UNC5D: variants seen among roughly 807,000 people sequenced by gnomAD.
UNC5D encodes unc-5 netrin receptor D.
Under a neutral mutation model 105.4 loss-of-function variants are expected in UNC5D, and 39 were observed. The ratio of observed to expected loss-of-function variants is 0.37; its 90% confidence interval spans 0.29 to 0.48. The LOEUF (loss-of-function observed/expected upper bound fraction) is 0.48. Among genes scored for constraint, UNC5D ranks in the 20% least tolerant of loss-of-function variants. The pLI, the probability that UNC5D is intolerant of heterozygous loss-of-function variation, is 0.98. For synonymous variants in UNC5D, 452 were observed against 450.4 expected, an observed-to-expected ratio of 1.00 and a Z score of -0.04; for missense variants, 991 against 1,202.4, an observed-to-expected ratio of 0.82 and a Z score of 2.60.
chr8:35,620,767 G>A (rs1821315930), intron 4 of UNC5D, among the ~76,000 whole-genome samples: 1 of 152,124 alleles, frequency 6.6e-6, no homozygotes, highest in Admixed American at 6.5e-5. Context: ...TCATCCCTGA[G>A]TTTCCTAGTT....
intron 1 of UNC5D, among the ~76,000 whole-genome samples, chr8:35,531,013 A>AT (rs1377026805): frequency 3.3e-5 from 5 of 150,872 alleles, no homozygotes; most frequent in African/African-American, 7.4e-5. Context: ...GGATTCATTG[A>AT]TTTTTTGAAG....
chr8:35,271,435 A>G (rs911775101), intron 1 of UNC5D, among the ~76,000 whole-genome samples: 8 of 140,762 alleles, frequency 5.7e-5, no homozygotes, highest in East Asian at 2.3e-4. Context: ...ATGTGTGTGT[A>G]TGTATATGTA....
intron 8 of UNC5D, among the ~76,000 whole-genome samples, chr8:35,718,486 C>A (rs1311661005): frequency 1.3e-5 from 2 of 152,156 alleles, no homozygotes; most frequent in Non-Finnish European, 2.9e-5. Context: ...TTTCTCTTCT[C>A]ACAGTTGGAG....
At chr8:35,724,651 G>A (rs1451586182) in intron 9 of UNC5D, among the ~76,000 whole-genome samples, 1 of 152,166 alleles carries the variant, frequency 6.6e-6, no homozygotes. Flanking sequence ...TTGCTTCCTT[G>A]TGTCACTTAG....
At chr8:35,667,480 A>C (rs368066837) in intron 4 of UNC5D, among the ~76,000 whole-genome samples, 1 of 152,172 alleles carries the variant, frequency 6.6e-6, no homozygotes, top group African/African-American at 2.4e-5. Context: ...TTCTACTGAC[A>C]ACTAACTGGC....
At chr8:35,551,689 G>A (rs759114590) in intron 2 of UNC5D, among the ~76,000 whole-genome samples, 9 of 152,000 alleles carry the variant, frequency 5.9e-5, no homozygotes, top group Non-Finnish European at 1.2e-4. Flanking sequence ...TTGGTGACGG[G>A]TGCCTGTAGT....
Position 35,748,680 on chromosome 8 carries a change from G to A in UNC5D, c.1920G>A (p.Gln640=). 1 of 1,613,518 alleles carries A rather than the reference G, an allele frequency of 6.2e-7. No homozygotes were observed. Among genetic ancestry groups the A allele is most frequent in the Non-Finnish European group, 8.5e-7 (1 of 1,179,738 alleles). ...ATATCCATTTAAAGAAGAGGACACA[G>A]CAGGGCAAATGGGAGGTGAGACCCT... ...HWNIHLKKRT[Q]QGKWEEVMSV... The change falls in exon 12 of 17, where the codon CAG becomes CAA. Residue 640 remains glutamine, a synonymous_variant. Coordinates refer to ENST00000404895, the MANE Select transcript of UNC5D (RefSeq NM_080872.4).
intron 1 of UNC5D, among the ~76,000 whole-genome samples, chr8:35,266,619 G>T (rs1804890303): frequency 6.6e-6 from 1 of 152,200 alleles, no homozygotes; most frequent in Admixed American, 6.5e-5. Context: ...GATCCCACTG[G>T]TCAGGAATTC....
At chr8:35,271,338 T>C (rs7835752) in intron 1 of UNC5D, among the ~76,000 whole-genome samples, 46,785 of 79,092 alleles carry the variant, frequency 0.59, 14,722 homozygotes, top group East Asian at 0.82. Flanking sequence ...CACACGTGCA[T>C]GTGTGTATGT....
chr8:35,585,568 ATATT>A (rs1013877796), intron 3 of UNC5D, among the ~76,000 whole-genome samples: 2 of 151,906 alleles, frequency 1.3e-5, no homozygotes, highest in African/African-American at 4.8e-5. Flanking sequence ...ATGTACATAT[ATATT>A]CATTCTAGAA....
chr8:35,405,287 G>T (rs1164740474), intron 1 of UNC5D, among the ~76,000 whole-genome samples: 1 of 152,124 alleles, frequency 6.6e-6, no homozygotes, highest in East Asian at 1.9e-4. Flanking sequence ...ATAGAAATCA[G>T]GTGGTGTGTA....
intron 4 of UNC5D, among the ~76,000 whole-genome samples, chr8:35,606,342 A>G: frequency 6.6e-6 from 1 of 152,156 alleles, no homozygotes; most frequent in East Asian, 1.9e-4. Flanking sequence ...CCGTACAATG[A>G]CCGAACCAAT....
chr8:35,651,703 A>G (rs1563632353), intron 4 of UNC5D, among the ~76,000 whole-genome samples: 1 of 152,142 alleles, frequency 6.6e-6, no homozygotes, highest in Non-Finnish European at 1.5e-5. Flanking sequence ...CTTTCACTAT[A>G]TATAATGTAT....
At chr8:35,468,275 A>G (rs1809455480) in intron 1 of UNC5D, among the ~76,000 whole-genome samples, 1 of 152,204 alleles carries the variant, frequency 6.6e-6, no homozygotes, top group Non-Finnish European at 1.5e-5. Flanking sequence ...GACCACTCCC[A>G]AGGACAGAGA....
At chr8:35,353,933 C>T (rs1403725650) in intron 1 of UNC5D, among the ~76,000 whole-genome samples, 1 of 152,078 alleles carries the variant, frequency 6.6e-6, no homozygotes, top group Non-Finnish European at 1.5e-5. Context: ...TGGCTAGAGA[C>T]GTTGTAGAGA....
intron 1 of UNC5D, among the ~76,000 whole-genome samples, chr8:35,257,489 G>T (rs963501839): frequency 6.6e-6 from 1 of 152,286 alleles, no homozygotes; most frequent in Non-Finnish European, 1.5e-5. Flanking sequence ...AGGGCCTGAT[G>T]CTTTCTGTAC....
At chr8:35,306,837 T>A (rs1808458245) in intron 1 of UNC5D, among the ~76,000 whole-genome samples, 1 of 152,172 alleles carries the variant, frequency 6.6e-6, no homozygotes, top group Non-Finnish European at 1.5e-5. Context: ...TAGTTCAAAA[T>A]GGTTTAACTA....
intron 4 of UNC5D, among the ~76,000 whole-genome samples, chr8:35,674,955 G>T (rs556027796): frequency 1.3e-5 from 2 of 152,186 alleles, no homozygotes; most frequent in East Asian, 3.9e-4. Flanking sequence ...GCTTTTCCCT[G>T]GCTCTACCAC....
intron 1 of UNC5D, among the ~76,000 whole-genome samples, chr8:35,305,581 CTT>C (rs1563297669): frequency 0.047 from 4,393 of 93,598 alleles, 100 homozygotes; most frequent in African/African-American, 0.086. Flanking sequence ...CTTTCTTTTT[CTT>C]TCTTTCTTTC....
Sources: allele counts gnomAD v4.1 joint callset (sites outside exome capture counted in the v4.1 genomes callset), GRCh38; gene constraint gnomAD v4.1.1; transcripts MANE v1.5; gene names NCBI Gene and HGNC (gene_info 2026-07-23, HGNC 2026-07-21).